The following CPNE5 variants were observed in gnomAD, a reference collection of about 807,000 sequenced individuals.
The protein encoded by CPNE5 is copine-5.
A neutral mutation model predicts 81.1 loss-of-function variants in CPNE5; 42 were observed. That is an observed-to-expected ratio of 0.52 (90% confidence interval 0.40 to 0.67). The LOEUF (loss-of-function observed/expected upper bound fraction) is 0.67. Ranked by LOEUF, CPNE5 falls within the 30% of genes least tolerant of loss-of-function variation. The probability of loss-of-function intolerance (pLI) is 0.00; values close to 1 mark genes in which losing one functional copy is unlikely to be tolerated. For synonymous variants in CPNE5, 313 were observed against 321.5 expected (o/e 0.97, Z 0.28); for missense variants, 612 against 815.5 (o/e 0.75, Z 3.04).
rs1315160957 is a variant in CPNE5, at chr6:36,762,977, C to A, written c.795G>T (p.Gly265=). The A allele has an allele frequency of 9.9e-6, 16 of 1,614,142 alleles. No homozygotes were observed. Among genetic ancestry groups the A allele is most frequent in the Non-Finnish European group, 1.4e-5 (16 of 1,180,024 alleles). ...GCTCCCGGTAACTGGTGGTGAACTCCCCAATGAAGTCATGGCTGCAAGGGA... is the reference window on the plus strand; with the variant it reads ...GCTCCCGGTAACTGGTGGTGAACTCACCAATGAAGTCATGGCTGCAAGGGA... The part of the protein sequence containing the change: ...WDRDGSHDFI[G]EFTTSYRELA... Residue 265 remains glycine (G), a synonymous_variant, in exon 12 of 21, where the codon GGG becomes GGT. Coordinates refer to ENST00000244751, the MANE Select transcript of CPNE5 (RefSeq NM_020939.2).
chr6:36,787,321 A>G (rs1456729001), intron 8 of CPNE5, among the ~76,000 whole-genome samples: 1 of 151,970 alleles, frequency 6.6e-6, no homozygotes, highest in Admixed American at 6.6e-5. Context: ...GTCCCACACA[A>G]TCTGGCCCCA....
chr6:36,786,879 T>A (rs537011041), intron 8 of CPNE5, among the ~76,000 whole-genome samples: 23 of 152,374 alleles, frequency 1.5e-4, no homozygotes, highest in African/African-American at 5.5e-4. Context: ...TTTTCCATGC[T>A]GTTTATATTT....
chr6:36,761,105 G>A (rs772983598), intron 12 of CPNE5, among the ~76,000 whole-genome samples: 7 of 152,184 alleles, frequency 4.6e-5, no homozygotes, highest in Non-Finnish European at 8.8e-5. Flanking sequence ...GGCCTGTCAA[G>A]CACCTTTAGA....
rs776517473 is a variant in CPNE5 at position 36,794,634 on chromosome 6, G to A, written c.420C>T (p.Ser140=). The change falls in exon 7 of 21, where the codon AGC becomes AGT. Residue 140 remains serine, a synonymous_variant. Coordinates refer to ENST00000244751, the MANE Select transcript of CPNE5 (RefSeq NM_020939.2). ...LEKPLTIGAF[S]LNSRTGKPMP... ...TGGGTTTGCCCGTCCTGGAATTCAG[G>A]CTGAATGCGCCTATCCTGTGGAGAG... 3 of 1,614,058 alleles carry A rather than the reference G, an allele frequency of 1.9e-6. No homozygotes were observed. The highest frequency in any genetic ancestry group is 1.7e-5 in the Admixed American group (1 of 60,010).
chr6:36,811,298 A>G (rs143355003), intron 3 of CPNE5, among the ~76,000 whole-genome samples: 123 of 152,354 alleles, frequency 8.1e-4, no homozygotes, highest in African/African-American at 2.7e-3. Context: ...AGCTCCTGCC[A>G]AATGGCATCA....
chr6:36,743,737 G>C lies in CPNE5; in HGVS notation c.1515C>G (p.Asp505Glu). ...GCTTCCCCCGGGAGGAGATCCGCAC[G>C]TCGTCGCCATCCAGCTCCACCATGG... ...FDAMVELDGDDVRISSRGKLA... is the reference protein window; with the variant it reads ...FDAMVELDGDEVRISSRGKLA... The change falls in exon 20 of 21, where the codon GAC (aspartate) becomes GAG (glutamate). Residue 505 changes from aspartate (D) to glutamate (E), a missense_variant. By Grantham distance (45) the Asp-to-Glu change is conservative. Transcript: ENST00000244751. The C allele has an allele frequency of 6.2e-7, 1 of 1,612,654 alleles. No individual in the cohort carries two copies. The highest frequency in any genetic ancestry group is 8.5e-7 in the Non-Finnish European group (1 of 1,179,970).
chr6:36,800,090 G>A lies in CPNE5; in HGVS notation c.184-20C>T, dbSNP rs1475255270. 1 of 1,592,558 alleles carries A rather than the reference G, an allele frequency of 6.3e-7. No homozygotes were observed. The highest frequency in any genetic ancestry group is 2.2e-5 in the East Asian group (1 of 44,692). ...CCCAAACTGCAAGAGAAGATGGAGG[G>A]TGAACCTCAGGGCCGGGCTGGTGGG... On this transcript the variant is annotated intron_variant, in intron 3 of 20. Transcript: ENST00000244751.
intron 10 of CPNE5, among the ~76,000 whole-genome samples, chr6:36,768,825 G>A (rs903228856): frequency 1.3e-5 from 2 of 152,246 alleles, no homozygotes; most frequent in East Asian, 1.9e-4. Context: ...ACCTTCGGCT[G>A]TGGGGTGAGC....
intron 8 of CPNE5, among the ~76,000 whole-genome samples, chr6:36,787,298 C>T (rs1768649534): frequency 6.6e-6 from 1 of 152,014 alleles, no homozygotes; most frequent in African/African-American, 2.4e-5. Context: ...CTGCTAAGTT[C>T]CCCAGCTATG....
At chr6:36,753,512 C>T (rs756538303) in intron 13 of CPNE5, among the ~76,000 whole-genome samples, 54 of 152,362 alleles carry the variant, frequency 3.5e-4, no homozygotes, top group Non-Finnish European at 6.3e-4. Flanking sequence ...GCCCTCCTGG[C>T]ACAGGCCTAA....
Position 36,740,791 on chromosome 6 carries a change from A to C in CPNE5, c.*1477T>G, listed in dbSNP as rs1391389675. The C allele has an allele frequency of 6.6e-6, 1 of 152,558 alleles. No homozygotes were observed. The allele number at this position is 152,558 out of a possible 1,614,324, so 9.5% of individuals were successfully genotyped here. Reference sequence around the variant, plus strand: ...ACTTCGTGCTTTACTAAAAGAACCAAATTTACTTCAGTTTAAGGCAAATTC... The same window carrying C: ...ACTTCGTGCTTTACTAAAAGAACCACATTTACTTCAGTTTAAGGCAAATTC... On this transcript the variant is annotated 3_prime_UTR_variant, in exon 21 of 21. Coordinates refer to ENST00000244751, the MANE Select transcript of CPNE5 (RefSeq NM_020939.2).
chr6:36,743,862 G>T, intron 19 of CPNE5, 100 bp from the exon 20 acceptor site: 1 of 1,063,182 alleles, frequency 9.4e-7, no homozygotes, highest in Non-Finnish European at 1.4e-6. Flanking sequence ...GCCAATCCAG[G>T]GCCGAGACCA....
chr6:36,834,298 AGGGAGGGAGGG>A (rs1773250627), intron 1 of CPNE5, among the ~76,000 whole-genome samples: 1 of 52,942 alleles, frequency 1.9e-5, no homozygotes. Context: ...GGAGGGAGGG[AGGGAGGGAGGG>A]AGGAAGGAAG....
At chr6:36,822,032 A>G in intron 3 of CPNE5, 82 bp downstream of exon 3, 1 of 1,313,198 alleles carries the variant, frequency 7.6e-7, no homozygotes, top group Non-Finnish European at 1.0e-6. Context: ...GAAACATGTC[A>G]GGGAAATTGC....
chr6:36,746,816 T>C lies in CPNE5; in HGVS notation c.1019-239A>G, dbSNP rs147506159. Among the ~76,000 whole-genome samples the C allele has an allele frequency of 4.7e-3, 722 of 152,142 alleles. 7 individuals are homozygous for C. The highest frequency in any genetic ancestry group is 0.017 in the African/African-American group (686 of 41,490). On this transcript the variant is annotated intron_variant, in intron 15 of 20. Transcript: ENST00000244751. The surrounding 1 kb of genome is among the most constrained non-coding windows in gnomAD (Gnocchi z 4.5). Reference sequence around the variant, plus strand: ...TAGGATGCAGCAGTCTCCTAACTGATCTCCCACTTCCTTCTGCCCCTGTGC... The same window carrying C: ...TAGGATGCAGCAGTCTCCTAACTGACCTCCCACTTCCTTCTGCCCCTGTGC...
rs544880969 is a variant in CPNE5 at position 36,744,142 on chromosome 6, G to A, written c.1489+126C>T. On this transcript the variant is annotated intron_variant, in intron 19 of 20. Transcript: ENST00000244751. The stretch of plus-strand genomic sequence containing the variant: ...CTCACCCAGACACACACGCCCAGGC[G>A]GGAGCTCTCACTCTTTTGGGAGGGG... 6.0e-4 allele frequency: 479 copies of A among 803,348 alleles called. No individual in the cohort carries two copies. The African/African-American group carries it at 7.1e-3, about 12-fold the overall frequency. The allele number at this position is 803,348 out of a possible 1,614,324, so 49.8% of individuals were successfully genotyped here.
intron 12 of CPNE5, among the ~76,000 whole-genome samples, chr6:36,760,521 G>A (rs6924574): frequency 0.016 from 2,502 of 152,300 alleles, 61 homozygotes; most frequent in African/African-American, 0.053. Flanking sequence ...CATAAGGGGG[G>A]AGATGATGAA....
intron 3 of CPNE5, among the ~76,000 whole-genome samples, chr6:36,808,140 G>C (rs1258099937): frequency 1.3e-5 from 2 of 151,892 alleles, no homozygotes; most frequent in Non-Finnish European, 2.9e-5. Flanking sequence ...GCCCAGGCTG[G>C]AGTGCAGTGG....
At chr6:36,798,421 A>G (rs759660915) in intron 5 of CPNE5, 34 bp downstream of exon 5, 2 of 1,607,172 alleles carry the variant, frequency 1.2e-6, no homozygotes. Flanking sequence ...TTCAGAAACT[A>G]TGGAATTGCT....
Sources: allele counts gnomAD v4.1 joint callset (sites outside exome capture counted in the v4.1 genomes callset), GRCh38; gene constraint gnomAD v4.1.1; non-coding constraint Gnocchi (gnomAD v3.1); transcripts MANE v1.5; gene names NCBI Gene and HGNC (gene_info 2026-07-23, HGNC 2026-07-21).